The following C9 variants were observed in gnomAD, a reference collection of about 807,000 sequenced individuals.
The protein encoded by C9 is complement component C9.
A neutral mutation model predicts 65.4 loss-of-function variants in C9; 63 were observed. The observed-to-expected ratio is 0.96, with a 90% CI of 0.79 to 1.19. C9 has a LOEUF of 1.19. Ranked by LOEUF, C9 falls within the 50% of genes most tolerant of loss-of-function variation. The pLI, the probability that C9 is intolerant of heterozygous loss-of-function variation, is 0.00. For missense variants in C9, 744 were observed against 670.1 expected (o/e 1.11, Z -1.22); for synonymous variants, 229 against 227.9 (o/e 1.00, Z -0.04).
intron 1 of C9, among the ~76,000 whole-genome samples, chr5:39,357,718 G>C (rs1754436624): frequency 6.6e-6 from 1 of 152,156 alleles, no homozygotes; most frequent in Admixed American, 6.5e-5. Flanking sequence ...GTGGTGTGGT[G>C]CTTTTAAAAT....
chr5:39,354,023 G>A (rs1184530925), intron 1 of C9, among the ~76,000 whole-genome samples: 1 of 152,190 alleles, frequency 6.6e-6, no homozygotes, highest in Non-Finnish European at 1.5e-5. Flanking sequence ...CTGGCTGGAG[G>A]TGGCATTTTT....
chr5:39,321,303 T>G (rs545941953), intron 5 of C9, among the ~76,000 whole-genome samples: 1 of 152,096 alleles, frequency 6.6e-6, no homozygotes, highest in Non-Finnish European at 1.5e-5. Flanking sequence ...TGTAGAAGTT[T>G]TAAAAATGTG....
At chr5:39,290,904 C>T (rs916081943) in intron 9 of C9, among the ~76,000 whole-genome samples, 8 of 151,680 alleles carry the variant, frequency 5.3e-5, no homozygotes, top group African/African-American at 1.9e-4. Context: ...AAACTGCAGC[C>T]CAGTTTGGAT....
chr5:39,350,895 A>ACT (rs1236889100), intron 1 of C9, among the ~76,000 whole-genome samples: 1 of 152,194 alleles, frequency 6.6e-6, no homozygotes, highest in African/African-American at 2.4e-5. Flanking sequence ...GTGCCCCAGT[A>ACT]GGGACTCTGT....
At chr5:39,322,329 C>T (rs1753678270) in intron 5 of C9, among the ~76,000 whole-genome samples, 1 of 151,822 alleles carries the variant, frequency 6.6e-6, no homozygotes. Flanking sequence ...TTATGGAATG[C>T]AGCATAAGCA....
intron 10 of C9, 139 bp from the exon 11 acceptor site, chr5:39,285,372 G>A: frequency 2.8e-6 from 2 of 726,764 alleles, no homozygotes; most frequent in East Asian, 5.3e-5. Context: ...AATAGAATGT[G>A]GTGTAAGGTA....
At chr5:39,347,994 C>T (rs1754243219) in intron 1 of C9, among the ~76,000 whole-genome samples, 1 of 142,316 alleles carries the variant, frequency 7.0e-6, no homozygotes, top group African/African-American at 2.6e-5. Context: ...TGGATCCCTT[C>T]CTTATATCTT....
intron 5 of C9, among the ~76,000 whole-genome samples, chr5:39,324,989 T>G (rs889461497): frequency 2.0e-5 from 3 of 152,092 alleles, no homozygotes; most frequent in Non-Finnish European, 4.4e-5. Context: ...TGAAAAGAAA[T>G]AAACATTGCT....
At chr5:39,344,858 G>T (rs1754160378) in intron 1 of C9, among the ~76,000 whole-genome samples, 2 of 152,194 alleles carry the variant, frequency 1.3e-5, no homozygotes, top group Admixed American at 1.3e-4. Context: ...AGAGAGTGGG[G>T]GCAATATTCA....
chr5:39,321,415 T>C (rs924681109), intron 5 of C9, among the ~76,000 whole-genome samples: 5 of 151,884 alleles, frequency 3.3e-5, no homozygotes, highest in African/African-American at 1.2e-4. Flanking sequence ...CAAACACCTA[T>C]AATAGACACA....
At chr5:39,334,425 C>T (rs561155034) in intron 4 of C9, among the ~76,000 whole-genome samples, 31 of 151,004 alleles carry the variant, frequency 2.1e-4, no homozygotes, top group Admixed American at 5.2e-4. Context: ...GCAGCCGCCC[C>T]GTCTGAGAAG....
At chr5:39,356,267 G>C (rs891008600) in intron 1 of C9, among the ~76,000 whole-genome samples, 4 of 152,146 alleles carry the variant, frequency 2.6e-5, no homozygotes, top group African/African-American at 7.2e-5. Context: ...AGAAAACTGG[G>C]TCTAGACTCG....
Position 39,315,824 on chromosome 5 carries a change from T to C in C9, c.821A>G (p.Tyr274Cys). The C allele has an allele frequency of 6.2e-7, 1 of 1,608,734 alleles. No homozygotes were observed. The highest frequency in any genetic ancestry group is 8.5e-7 in the Non-Finnish European group (1 of 1,175,278). The change falls in exon 6 of 11, where the codon TAT becomes TGT. Residue 274 changes from tyrosine (Y) to cysteine (C), a missense_variant. Transcript: ENST00000263408. ...TAGTTGGTAAGTTTCATTTTTGGAA[T>C]ATGAAAACCGAAAACTACCCTTGCC... ...LHGKGSFRFS[Y>C]SKNETYQLFL... is the part of the protein sequence containing the mutation.
chr5:39,320,800 G>A (rs1437865210), intron 5 of C9, among the ~76,000 whole-genome samples: 1 of 152,164 alleles, frequency 6.6e-6, no homozygotes, highest in Non-Finnish European at 1.5e-5. Flanking sequence ...CGTCACATAT[G>A]AGGGAGCTCA....
intron 6 of C9, among the ~76,000 whole-genome samples, chr5:39,312,255 C>G (rs1426036586): frequency 6.6e-6 from 1 of 152,100 alleles, no homozygotes; most frequent in Non-Finnish European, 1.5e-5. Context: ...ATTATCAAAA[C>G]TCATGAAACT....
intron 1 of C9, among the ~76,000 whole-genome samples, chr5:39,349,558 C>A (rs536151728): frequency 6.6e-6 from 1 of 152,186 alleles, no homozygotes; most frequent in East Asian, 1.9e-4. Flanking sequence ...TCTAAATTCT[C>A]TTTTCTTTTA....
intron 1 of C9, among the ~76,000 whole-genome samples, chr5:39,351,643 A>C (rs534935020): frequency 4.6e-5 from 7 of 152,182 alleles, no homozygotes; most frequent in Non-Finnish European, 1.0e-4. Flanking sequence ...CAATACCACC[A>C]GTCTCTTTGA....
In C9 at chr5:39,288,908, GCATTTTT is replaced by G; in HGVS notation, c.1453_1459del (p.Lys485HisfsTer3). 6.2e-7 allele frequency: 1 copy of G among 1,610,680 alleles called. No homozygotes were observed. The highest frequency in any genetic ancestry group is 8.5e-7 in the Non-Finnish European group (1 of 1,177,466). ...TTCCAAGTTTTGTTTCTTTAGGTGT[GCATTTTT>G]CATTTTCACTGGAACCAGATTATAT... On this transcript the variant is annotated frameshift_variant, in exon 10 of 11. Transcript: ENST00000263408. LOFTEE classifies it high-confidence loss of function.
intron 7 of C9, among the ~76,000 whole-genome samples, chr5:39,309,869 C>A (rs1753448463): frequency 6.6e-6 from 1 of 152,110 alleles, no homozygotes; most frequent in African/African-American, 2.4e-5. Flanking sequence ...CAAAACAACT[C>A]CTAGTCTGAA....
Sources: allele counts gnomAD v4.1 joint callset (sites outside exome capture counted in the v4.1 genomes callset), GRCh38; gene constraint gnomAD v4.1.1; transcripts MANE v1.5; gene names NCBI Gene and HGNC (gene_info 2026-07-23, HGNC 2026-07-21).